The following ATAD2B variants were observed in gnomAD, a reference collection of about 807,000 sequenced individuals.
The protein encoded by ATAD2B is ATPase family AAA domain containing 2B.
Under a neutral mutation model 167.6 loss-of-function variants are expected in ATAD2B, and 40 were observed. The observed-to-expected ratio is 0.24, with a 90% CI of 0.19 to 0.31. ATAD2B has a LOEUF of 0.31. ATAD2B is among the 10% of genes least tolerant of loss of function. ATAD2B has a pLI of 1.00. For missense variants in ATAD2B, 1,242 were observed against 1,757.2 expected, an observed-to-expected ratio of 0.71 and a Z score of 5.24; for synonymous variants, 579 against 596.5, an observed-to-expected ratio of 0.97 and a Z score of 0.43.
chr2:23,730,910 A>T, the ATAD2B span, among the ~76,000 whole-genome samples: 1 of 151,952 alleles, frequency 6.6e-6, no homozygotes, highest in African/African-American at 2.4e-5. Context: ...TGAAAAGATA[A>T]ATAAAAAGAG....
intron 2 of ATAD2B, among the ~76,000 whole-genome samples, chr2:23,894,816 T>C (rs1271043906): frequency 6.6e-6 from 1 of 152,188 alleles, no homozygotes; most frequent in African/African-American, 2.4e-5. Context: ...ATCAACAGAC[T>C]ATGATTCATG....
At chr2:23,870,124 T>C (rs1459348455) in intron 8 of ATAD2B, among the ~76,000 whole-genome samples, 2 of 151,128 alleles carry the variant, frequency 1.3e-5, no homozygotes, top group Admixed American at 6.6e-5. Context: ...GAAGAATTGC[T>C]TGAACCCGGG....
chr2:23,765,460 A>G, intron 23 of ATAD2B, 46 bp downstream of exon 23: 1 of 1,542,084 alleles, frequency 6.5e-7, no homozygotes. Flanking sequence ...CTTGGCCTGA[A>G]CAGAGCACAC....
intron 2 of ATAD2B, among the ~76,000 whole-genome samples, chr2:23,894,656 C>T (rs1022825342): frequency 1.3e-5 from 2 of 151,964 alleles, no homozygotes; most frequent in African/African-American, 4.8e-5. Context: ...ATTTGATTCA[C>T]TCATTTAATA....
At chr2:23,852,292 C>T (rs1271807380) in intron 13 of ATAD2B, among the ~76,000 whole-genome samples, 1 of 151,948 alleles carries the variant, frequency 6.6e-6, no homozygotes, top group Non-Finnish European at 1.5e-5. Context: ...AATGCCATCT[C>T]ATCTTTTTTT....
downstream of ATAD2B, among the ~76,000 whole-genome samples, chr2:23,745,375 A>AGGAAGGAAGGAG (rs2149278067): frequency 1.3e-5 from 1 of 76,910 alleles, no homozygotes; most frequent in South Asian, 5.7e-4. Flanking sequence ...GAAAGAAGGA[A>AGGAAGGAAGGAG]GGAAGGAAGG....
chr2:23,813,760 TA>T (rs1202468044), intron 17 of ATAD2B, among the ~76,000 whole-genome samples: 1 of 151,388 alleles, frequency 6.6e-6, no homozygotes, highest in Non-Finnish European at 1.5e-5. Flanking sequence ...TAAAATAAAA[TA>T]AAAGGAAGAG....
intron 21 of ATAD2B, 77 bp downstream of exon 21, chr2:23,785,950 C>G (rs938771030): frequency 7.6e-7 from 1 of 1,317,870 alleles, no homozygotes; most frequent in Non-Finnish European, 1.0e-6. Context: ...GCTTTTTTTT[C>G]CTTCCAAAAA....
At chr2:23,892,319 A>G (rs1346710993) in intron 2 of ATAD2B, among the ~76,000 whole-genome samples, 1 of 151,994 alleles carries the variant, frequency 6.6e-6, no homozygotes, top group Non-Finnish European at 1.5e-5. Flanking sequence ...ACCCGCCACC[A>G]CGCCTGGCTA....
chr2:23,799,772 T>G (rs1683196561), intron 18 of ATAD2B: 1 of 151,930 alleles, frequency 6.6e-6, no homozygotes, highest in Non-Finnish European at 1.5e-5. Flanking sequence ...ATAAACCAGA[T>G]GAAAGAAGCT....
chr2:23,739,338 A>G, the ATAD2B span, among the ~76,000 whole-genome samples: 1 of 152,226 alleles, frequency 6.6e-6, no homozygotes, highest in Admixed American at 6.5e-5. Flanking sequence ...AACAGAAATT[A>G]TAACAAACTG....
At chr2:23,807,173 G>A (rs1031298340) in intron 18 of ATAD2B, among the ~76,000 whole-genome samples, 1 of 152,162 alleles carries the variant, frequency 6.6e-6, no homozygotes, top group Non-Finnish European at 1.5e-5. Flanking sequence ...GGAGCTGAGA[G>A]TAAGAGGTGA....
intron 2 of ATAD2B, among the ~76,000 whole-genome samples, chr2:23,893,906 C>G (rs915554420): frequency 1.3e-5 from 2 of 151,930 alleles, no homozygotes; most frequent in Non-Finnish European, 2.9e-5. Context: ...TCAAGCAATC[C>G]TCCTGCCTTG....
intron 1 of ATAD2B, among the ~76,000 whole-genome samples, chr2:23,906,716 C>G (rs1193477810): frequency 4.0e-5 from 6 of 151,804 alleles, no homozygotes; most frequent in Non-Finnish European, 8.8e-5. Flanking sequence ...CAAAAATCCT[C>G]AATAAAATAC....
chr2:23,703,423 C>A, the ATAD2B span: 3 of 1,403,996 alleles, frequency 2.1e-6, no homozygotes, highest in Non-Finnish European at 2.8e-6. Flanking sequence ...GGGTCGCATC[C>A]CTGCCTTGCT....
At chr2:23,788,762 A>T (rs1481042058) in intron 19 of ATAD2B, 115 bp from the exon 20 acceptor site, 85 of 897,110 alleles carry the variant, frequency 9.5e-5, no homozygotes, top group South Asian at 3.6e-4. Context: ...TTCATAGACC[A>T]TTCACATGGG....
the ATAD2B span, chr2:23,696,042 GAAC>G: frequency 1.3e-6 from 2 of 1,551,742 alleles, no homozygotes; most frequent in Non-Finnish European, 1.7e-6. The surrounding 1 kb of genome is among the most constrained non-coding windows in gnomAD (Gnocchi z 5.5). Flanking sequence ...GGAACCCGCA[GAAC>G]AACAAGTGGT....
At chr2:23,922,566 A>G (rs543950026) in intron 1 of ATAD2B, among the ~76,000 whole-genome samples, 1 of 152,270 alleles carries the variant, frequency 6.6e-6, no homozygotes, top group South Asian at 2.1e-4. Context: ...CATATATCTG[A>G]TAAGCAGTTA....
chr2:23,885,809 T>C lies in ATAD2B; in HGVS notation c.593A>G (p.Gln198Arg). ...TCGGATGTTAATGTTGTCCATTTCC[T>C]GTAGTACAGCTTCAGCAGTGCTACA... ...LVNSTAEAVL[Q>R]EMDNINIRRN... The change falls in exon 5 of 28, where the codon CAG becomes CGG. Residue 198 changes from glutamine (Q) to arginine (R), a missense_variant. Coordinates refer to ENST00000238789, the MANE Select transcript of ATAD2B (RefSeq NM_017552.4). The C allele has an allele frequency of 6.3e-7, 1 of 1,588,730 alleles. No individual in the cohort carries two copies. The highest frequency in any genetic ancestry group is 8.6e-7 in the Non-Finnish European group (1 of 1,165,318).
Sources: gnomAD v4.1 joint callset for allele counts (sites outside exome capture counted in the v4.1 genomes callset) on GRCh38, gnomAD v4.1.1 for gene constraint, Gnocchi (gnomAD v3.1) non-coding constraint, MANE v1.5 for transcripts, NCBI Gene and HGNC (gene_info 2026-07-23, HGNC 2026-07-21) for gene names.